Variants in DMD observed in about 807,000 individuals in gnomAD.
DMD encodes mutant dystrophin.
A neutral mutation model predicts 330.1 loss-of-function variants in DMD; 63 were observed. The observed-to-expected ratio is 0.19, with a 90% confidence interval of 0.16 to 0.24. DMD has a LOEUF of 0.24. Ranked by LOEUF, DMD falls within the 10% of genes least tolerant of loss-of-function variation. DMD has a pLI of 1.00. For synonymous variants in DMD, 1,223 were observed against 959.8 expected, an observed-to-expected ratio of 1.27 and a Z score of -5.07; for missense variants, 3,344 against 2,684.1, an observed-to-expected ratio of 1.25 and a Z score of -5.43.
intron 60 of DMD, among the ~76,000 whole-genome samples, chrX:31,396,134 A>T (rs2060912319): frequency 2.2e-5 from 2 of 90,383 alleles, no homozygotes; most frequent in South Asian, 1.1e-3. Flanking sequence ...TCCAAAGATG[A>T]CAATTTTTTT....
intron 57 of DMD, among the ~76,000 whole-genome samples, chrX:31,493,832 G>T (rs1232889943): frequency 9.0e-6 from 1 of 111,727 alleles, no homozygotes; most frequent in East Asian, 2.8e-4. Context: ...CTATAATTAT[G>T]ATGATAACAA....
At chrX:32,356,784 CT>C (rs1319250293) in intron 37 of DMD, among the ~76,000 whole-genome samples, 1 of 111,654 alleles carries the variant, frequency 9.0e-6, no homozygotes, top group East Asian at 2.8e-4. Context: ...AAATAATTGC[CT>C]TTATTAATAT....
At chrX:32,576,583 A>G (rs12859824) in intron 13 of DMD, among the ~76,000 whole-genome samples, 55,434 of 109,026 alleles carry the variant, frequency 0.51, 11,921 homozygotes, top group Non-Finnish European at 0.68. Context: ...GAGGTGGGAT[A>G]GCACAAGATT....
At chrX:31,817,848 T>C (rs1034961781) in intron 50 of DMD, among the ~76,000 whole-genome samples, 3 of 112,021 alleles carry the variant, frequency 2.7e-5, no homozygotes, top group African/African-American at 9.7e-5. Context: ...CGTCATCTTG[T>C]TCCTACTTCA....
At chrX:33,031,056 C>T (rs2094101693) in intron 1 of DMD, among the ~76,000 whole-genome samples, 1 of 111,136 alleles carries the variant, frequency 9.0e-6, no homozygotes, top group East Asian at 2.9e-4. Context: ...GAGGATAATG[C>T]CTCATCCCTT....
At chrX:33,154,844 A>C (rs1275926316) in intron 1 of DMD, among the ~76,000 whole-genome samples, 1 of 112,292 alleles carries the variant, frequency 8.9e-6, no homozygotes, top group Non-Finnish European at 1.9e-5. Context: ...TATTGGAATT[A>C]CTCATGTACA....
In DMD at chrX:32,408,875, T is replaced by A. The variant is rs559002723; in HGVS notation, c.4233+2877A>T. On this transcript the variant is annotated intron_variant, in intron 30 of 78. Coordinates refer to ENST00000357033, the MANE Select transcript of DMD (RefSeq NM_004006.3). ...TTCTTTTCTTTCTTTCATCTATCTA[T>A]CTATCTATCTATCTATCTATCTATC... Among the ~76,000 whole-genome samples the A allele has an allele frequency of 8.7e-5, 9 of 104,022 alleles. No individual in the cohort carries two copies. The South Asian group carries it at 3.8e-3, about 44-fold the overall frequency. 90.3% of individuals were successfully genotyped at this position (104,022 alleles called of 115,157 possible).
intron 38 of DMD, among the ~76,000 whole-genome samples, chrX:32,348,022 TA>T (rs2097769672): frequency 8.9e-6 from 1 of 112,026 alleles, no homozygotes; most frequent in African/African-American, 3.2e-5. Flanking sequence ...TTCATTGAAA[TA>T]AATGTTATAC....
chrX:32,002,604 G>A (rs1020338256), intron 44 of DMD, among the ~76,000 whole-genome samples: 1 of 111,060 alleles, frequency 9.0e-6, no homozygotes, highest in Non-Finnish European at 1.9e-5. Flanking sequence ...TATGTCTGGG[G>A]TCTTAGTTTT....
chrX:32,625,754 G>C (rs1602276868), intron 11 of DMD, among the ~76,000 whole-genome samples: 2 of 111,642 alleles, frequency 1.8e-5, no homozygotes, highest in East Asian at 5.6e-4. Flanking sequence ...ACTAATAAAG[G>C]CATAAATGGA....
At chrX:32,677,027 A>T (rs902352008) in intron 9 of DMD, among the ~76,000 whole-genome samples, 2 of 111,721 alleles carry the variant, frequency 1.8e-5, no homozygotes, top group African/African-American at 6.5e-5. Flanking sequence ...TTACATTTTT[A>T]AATTACATGT....
intron 1 of DMD, among the ~76,000 whole-genome samples, chrX:33,156,083 T>A (rs765100263): frequency 8.9e-6 from 1 of 112,015 alleles, no homozygotes; most frequent in Admixed American, 9.5e-5. Context: ...GCTGAATGTT[T>A]TATTATTTTC....
At chrX:32,879,782 C>A (rs896193852) in intron 2 of DMD, among the ~76,000 whole-genome samples, 2 of 111,533 alleles carry the variant, frequency 1.8e-5, no homozygotes, top group African/African-American at 6.5e-5. Flanking sequence ...ATCTCTACTT[C>A]CATTCCCTCT....
chrX:32,722,642 A>T (rs2066447761), intron 7 of DMD, among the ~76,000 whole-genome samples: 1 of 111,002 alleles, frequency 9.0e-6, no homozygotes, highest in Non-Finnish European at 1.9e-5. Flanking sequence ...AATGTTTTAT[A>T]GTTTTGGTTG....
rs187138444 is a variant in DMD, at chrX:32,115,214, T to G, written c.6438+101702A>C. ...CAGTCCCATGTCTTTAAAAACCATC[T>G]AAGGGCCTATGACTGCCACATTATT... is the stretch of plus-strand genomic sequence containing the variant. On this transcript the variant is annotated intron_variant, in intron 44 of 78. Transcript: ENST00000357033. 5.1e-3 allele frequency among the ~76,000 whole-genome samples: 569 copies of G among 111,349 alleles called. 1 individual carries two copies. Among genetic ancestry groups the G allele is most frequent in the African/African-American group, 0.018 (544 of 30,584 alleles).
intron 13 of DMD, among the ~76,000 whole-genome samples, chrX:32,578,943 T>A (rs2053356329): frequency 8.9e-6 from 1 of 111,738 alleles, no homozygotes; most frequent in African/African-American, 3.3e-5. Flanking sequence ...CCTCTGAAAA[T>A]CCCTTATTTC....
intron 1 of DMD, among the ~76,000 whole-genome samples, chrX:33,194,936 G>T (rs758111011): frequency 9.0e-6 from 1 of 111,659 alleles, no homozygotes; most frequent in East Asian, 2.8e-4. Flanking sequence ...TAATAAATAT[G>T]AATAGGTTGT....
At chrX:32,211,991 T>A (rs964639830) in intron 44 of DMD, among the ~76,000 whole-genome samples, 2 of 112,278 alleles carry the variant, frequency 1.8e-5, no homozygotes, top group African/African-American at 6.5e-5. Flanking sequence ...TGTTAGGGCA[T>A]TTTATAATTT....
chrX:32,808,294 A>T (rs1160906794), intron 7 of DMD, among the ~76,000 whole-genome samples: 1 of 112,258 alleles, frequency 8.9e-6, no homozygotes, highest in Non-Finnish European at 1.9e-5. Flanking sequence ...CCAACTTCAC[A>T]AACTAACATT....
Sources: gnomAD v4.1 joint callset for allele counts (sites outside exome capture counted in the v4.1 genomes callset) on GRCh38, gnomAD v4.1.1 for gene constraint, MANE v1.5 for transcripts, NCBI Gene and HGNC (gene_info 2026-07-23, HGNC 2026-07-21) for gene names.